The following PIBF1 variants were observed in gnomAD, a reference collection of about 807,000 sequenced individuals.
PIBF1 encodes progesterone-induced-blocking factor 1.
A neutral mutation model predicts 112.5 loss-of-function variants in PIBF1; 90 were observed. That is an observed-to-expected ratio of 0.80 (90% CI 0.67 to 0.95). PIBF1 has a LOEUF of 0.95. Among genes scored for constraint, PIBF1 ranks in the 40% least tolerant of loss-of-function variants. PIBF1 has a pLI of 0.00. For synonymous variants in PIBF1, 301 were observed against 288.6 expected (o/e 1.04, Z -0.44); for missense variants, 915 against 852.3 (o/e 1.07, Z -0.92).
chr13:72,958,354 G>A (rs1594271009), intron 14 of PIBF1, among the ~76,000 whole-genome samples: 1 of 139,362 alleles, frequency 7.2e-6, no homozygotes, highest in Non-Finnish European at 1.5e-5. Context: ...GCCACAATTT[G>A]AAGTAGTAAT....
intron 16 of PIBF1, among the ~76,000 whole-genome samples, chr13:72,978,975 G>A (rs1008020023): frequency 3.3e-5 from 5 of 152,082 alleles, no homozygotes; most frequent in African/African-American, 7.2e-5. Flanking sequence ...TGGGAGGAAC[G>A]CTTGAGGCTA....
intron 17 of PIBF1, among the ~76,000 whole-genome samples, chr13:72,999,866 C>G (rs2043800413): frequency 6.6e-6 from 1 of 152,136 alleles, no homozygotes; most frequent in South Asian, 2.1e-4. Flanking sequence ...GTCAGGAGTT[C>G]AAGACCAGGC....
chr13:73,000,585 A>G (rs1333942787), intron 17 of PIBF1, among the ~76,000 whole-genome samples: 1 of 152,182 alleles, frequency 6.6e-6, no homozygotes, highest in East Asian at 1.9e-4. Flanking sequence ...AATCTATAGG[A>G]AGAAAGCAGA....
chr13:72,823,120 A>G (rs2036636830), intron 6 of PIBF1, among the ~76,000 whole-genome samples: 1 of 152,188 alleles, frequency 6.6e-6, no homozygotes, highest in South Asian at 2.1e-4. Flanking sequence ...AAAAAGAATA[A>G]AAATGAAATA....
Position 72,839,442 on chromosome 13 carries a change from G to A in PIBF1, c.1223+4074G>A, listed in dbSNP as rs530641066. On this transcript the variant is annotated intron_variant, in intron 9 of 17. Coordinates refer to ENST00000326291, the MANE Select transcript of PIBF1 (RefSeq NM_006346.4). ...AGTTGTTTCACTTGAAGTGTCTGTG[G>A]CATCTACAAATAAAAGAGTTGACTG... is the stretch of plus-strand genomic sequence containing the variant. Among the ~76,000 whole-genome samples the A allele has an allele frequency of 3.1e-4, 47 of 152,274 alleles. No homozygotes were observed. The South Asian group carries it at 3.9e-3, about 13-fold the overall frequency.
chr13:72,911,456 A>G (rs1298240502), intron 12 of PIBF1, among the ~76,000 whole-genome samples: 1 of 152,222 alleles, frequency 6.6e-6, no homozygotes, highest in Non-Finnish European at 1.5e-5. Flanking sequence ...GTAAACTTCC[A>G]TACACCAATA....
At chr13:72,797,348 C>A (rs976396038) in intron 4 of PIBF1, among the ~76,000 whole-genome samples, 2 of 152,072 alleles carry the variant, frequency 1.3e-5, no homozygotes, top group African/African-American at 4.8e-5. Flanking sequence ...GAAAGTGGAG[C>A]AACACAGGCA....
intron 13 of PIBF1, 32 bp downstream of exon 13, chr13:72,917,198 T>C: frequency 1.6e-6 from 2 of 1,288,426 alleles, no homozygotes; most frequent in Non-Finnish European, 2.2e-6. Context: ...TTTATTTATC[T>C]ACTCAAGATG....
At chr13:72,849,936 G>A (rs1490617478) in intron 9 of PIBF1, among the ~76,000 whole-genome samples, 2 of 152,220 alleles carry the variant, frequency 1.3e-5, no homozygotes, top group Non-Finnish European at 2.9e-5. Context: ...GTTGTGATAT[G>A]TAAAGTGCTT....
intron 5 of PIBF1, 87 bp from the exon 6 acceptor site, chr13:72,821,762 C>A: frequency 1.1e-6 from 1 of 934,632 alleles, no homozygotes; most frequent in Non-Finnish European, 1.5e-6. Flanking sequence ...AGGACAATCA[C>A]AGCTTAACAG....
intron 12 of PIBF1, among the ~76,000 whole-genome samples, chr13:72,909,530 T>C (rs1457949636): frequency 6.6e-6 from 1 of 151,906 alleles, no homozygotes; most frequent in Non-Finnish European, 1.5e-5. Flanking sequence ...GTTTCACTCT[T>C]GTTGCCCAGG....
intron 2 of PIBF1, 99 bp downstream of exon 2, chr13:72,783,820 T>TA: frequency 9.1e-7 from 1 of 1,095,272 alleles, no homozygotes; most frequent in Non-Finnish European, 1.3e-6. Context: ...CTTGAAATGA[T>TA]ACATTTATAT....
chr13:72,880,817 CA>C (rs1418279913), intron 10 of PIBF1, among the ~76,000 whole-genome samples: 3 of 152,214 alleles, frequency 2.0e-5, no homozygotes, highest in African/African-American at 7.2e-5. Flanking sequence ...CTTTTAGGTT[CA>C]GGGGATATAT....
chr13:72,860,046 A>G (rs931110173), intron 10 of PIBF1, among the ~76,000 whole-genome samples: 6 of 152,210 alleles, frequency 3.9e-5, no homozygotes, highest in Non-Finnish European at 7.4e-5. Flanking sequence ...ACTTTTCACA[A>G]TGCCTTAGCA....
Position 72,792,427 on chromosome 13 carries a change from A to G in PIBF1, c.253-20A>G, listed in dbSNP as rs745818622. 2.9e-6 allele frequency: 4 copies of G among 1,364,422 alleles called. No individual in the cohort carries two copies. The South Asian group carries it at 3.9e-5, about 13-fold the overall frequency. 84.5% of individuals were successfully genotyped at this position (1,364,422 alleles called of 1,614,324 possible). On this transcript the variant is annotated intron_variant, in intron 2 of 17. Transcript: ENST00000326291. Reference sequence around the variant, plus strand: ...TTCTTTATGACAAATCATATAATTTATCTTTTTCTCTTTACGAAGATTGAA... The same window carrying G: ...TTCTTTATGACAAATCATATAATTTGTCTTTTTCTCTTTACGAAGATTGAA...
Position 72,835,248 on chromosome 13 carries a change from A to T in PIBF1, c.1103A>T (p.His368Leu). 1.3e-6 allele frequency: 2 copies of T among 1,562,616 alleles called. No homozygotes were observed. The highest frequency in any genetic ancestry group is 4.6e-5 in the East Asian group (2 of 43,326). Reference protein sequence around the residue: ...MYEKYVASRDHYKTEYENKLH... With the variant: ...MYEKYVASRDLYKTEYENKLH... ...TTCCTTTTCACTCCTTGCAGAGACCATTATAAAACAGAATATGAAAATAAA... is the reference window on the plus strand; with the variant it reads ...TTCCTTTTCACTCCTTGCAGAGACCTTTATAAAACAGAATATGAAAATAAA... Residue 368 changes from histidine to leucine, a missense_variant, in exon 9 of 18, where the codon CAT becomes CTT. Physicochemically the swap from His to Leu is moderately conservative, Grantham distance 99 (BLOSUM62 -3). Coordinates refer to ENST00000326291, the MANE Select transcript of PIBF1 (RefSeq NM_006346.4).
rs2038847 is a variant in PIBF1, at chr13:72,835,496, T to A, written c.1223+128T>A. On this transcript the variant is annotated intron_variant, in intron 9 of 17. Transcript: ENST00000326291. ...ACATTAGAGAAAACTTGTCATAAAT[T>A]GAAATCTAAGTATAATGAGAACATG... 685 of 644,340 alleles carry A rather than the reference T, an allele frequency of 1.1e-3. 2 individuals are homozygous for A. Among genetic ancestry groups the A allele is most frequent in the Non-Finnish European group, 1.4e-3 (596 of 413,798 alleles). The allele number at this position is 644,340 out of a possible 1,614,324, so 39.9% of individuals were successfully genotyped here. A position where few individuals can be genotyped will look rare whatever the true frequency, so the allele number is the denominator to read the frequency against.
chr13:72,895,045 GC>G (rs2040224791), intron 11 of PIBF1, among the ~76,000 whole-genome samples: 3 of 151,490 alleles, frequency 2.0e-5, no homozygotes, highest in African/African-American at 7.3e-5. Flanking sequence ...GATTGCTTAA[GC>G]CCAGGAGGTC....
At position 72,821,912 on chromosome 13, in the gene PIBF1, G is replaced by T. The variant is rs1467956370; in HGVS notation, c.736G>T (p.Glu246Ter). 3.7e-6 allele frequency: 6 copies of T among 1,612,850 alleles called. No homozygotes were observed. In the Admixed American group the frequency reaches 8.3e-5, roughly 22 times the overall value. ...VQIRCQRLAL[E>*]LADTKQLIQQ... ...AATTAGATGTCAACGTTTGGCCTTA[G>T]AATTAGCAGACACAAAACAGTTAAT... is the stretch of plus-strand genomic sequence containing the variant. Residue 246 changes from glutamate (E) to a stop codon, truncating the protein, a stop_gained, in exon 6 of 18, where the codon GAA (glutamate) becomes TAA (stop). Coordinates refer to ENST00000326291, the MANE Select transcript of PIBF1 (RefSeq NM_006346.4). LOFTEE classifies it high-confidence loss of function.
Sources: gnomAD v4.1 joint callset for allele counts (sites outside exome capture counted in the v4.1 genomes callset) on GRCh38, gnomAD v4.1.1 for gene constraint, MANE v1.5 for transcripts, NCBI Gene and HGNC (gene_info 2026-07-23, HGNC 2026-07-21) for gene names.